The following QKI variants were observed in gnomAD, a reference collection of about 807,000 sequenced individuals.
The protein encoded by QKI is QKI, KH domain containing RNA binding, also known as KH domain-containing RNA-binding protein QKI.
A neutral mutation model predicts 39.0 loss-of-function variants in QKI; 10 were observed. The observed-to-expected ratio is 0.26, with a 90% confidence interval of 0.16 to 0.43. QKI has a LOEUF of 0.43. Among genes scored for constraint, QKI ranks in the 20% least tolerant of loss-of-function variants. QKI has a pLI of 1.00. For synonymous variants in QKI, 204 were observed against 155.4 expected, an observed-to-expected ratio of 1.31 and a Z score of -2.33; for missense variants, 218 against 428.0, an observed-to-expected ratio of 0.51 and a Z score of 4.33.
At chr6:163,569,876 A>G in intron 7 of QKI, 2 of 987,206 alleles carry the variant, frequency 2.0e-6, no homozygotes, top group Non-Finnish European at 2.4e-6. Context: ...ATGTACTTAG[A>G]GCTTTTTGAG....
chr6:163,421,670 T>G (rs993754865), intron 1 of QKI, among the ~76,000 whole-genome samples: 11 of 152,216 alleles, frequency 7.2e-5, no homozygotes, highest in Non-Finnish European at 1.2e-4. Context: ...GTCTTTTAAT[T>G]TTAAACAGTG....
intron 3 of QKI, among the ~76,000 whole-genome samples, chr6:163,501,379 C>T (rs910133566): frequency 6.6e-6 from 1 of 151,670 alleles, no homozygotes; most frequent in African/African-American, 2.4e-5. Context: ...AGAGAATGGG[C>T]CTGATTGCTC....
chr6:163,497,381 A>T (rs1172858850), intron 3 of QKI, among the ~76,000 whole-genome samples: 2 of 152,250 alleles, frequency 1.3e-5, no homozygotes, highest in South Asian at 2.1e-4. Context: ...TAAAATTTTT[A>T]AAATTGCTTT....
chr6:163,460,627 T>G (rs1236545021), intron 2 of QKI, among the ~76,000 whole-genome samples: 1 of 152,126 alleles, frequency 6.6e-6, no homozygotes, highest in African/African-American at 2.4e-5. Context: ...AGCTGGCGTT[T>G]GTTTTAGAGG....
chr6:163,536,963 CTT>C (rs1356981533), intron 4 of QKI, among the ~76,000 whole-genome samples: 1 of 152,146 alleles, frequency 6.6e-6, no homozygotes, highest in Non-Finnish European at 1.5e-5. Context: ...AATCCCAACA[CTT>C]TGGGATGCTG....
chr6:163,526,028 G>A (rs1322193265), intron 3 of QKI, among the ~76,000 whole-genome samples: 1 of 152,156 alleles, frequency 6.6e-6, no homozygotes. Flanking sequence ...GCTCTAAGGA[G>A]CACTTATTAG....
intron 3 of QKI, among the ~76,000 whole-genome samples, chr6:163,487,377 C>T (rs146354653): frequency 7.2e-5 from 11 of 152,252 alleles, no homozygotes; most frequent in African/African-American, 2.2e-4. Context: ...CATATAATTT[C>T]AACTGTAAAT....
intron 2 of QKI, among the ~76,000 whole-genome samples, chr6:163,461,452 A>T (rs1791343617): frequency 6.6e-6 from 1 of 152,214 alleles, no homozygotes; most frequent in African/African-American, 2.4e-5. Flanking sequence ...GAAGAACAAA[A>T]TGAAAGATGG....
In QKI at chr6:163,575,833, C is replaced by A. The variant is rs965095967; in HGVS notation, c.*5123C>A. The A allele has an allele frequency of 2.0e-5, 3 of 152,064 alleles. No individual in the cohort carries two copies. Among genetic ancestry groups the A allele is most frequent in the East Asian group, 3.9e-4 (2 of 5,180 alleles). The allele number at this position is 152,064 out of a possible 1,614,324, so 9.4% of individuals were successfully genotyped here. ...GTATATATATATGTCATAACACTTT[C>A]ACGTGTGACAGCCTAAGGTTTCTTT... On this transcript the variant is annotated 3_prime_UTR_variant, in exon 8 of 8. Transcript: ENST00000361752.
At chr6:163,430,260 T>G (rs1320158408) in intron 1 of QKI, among the ~76,000 whole-genome samples, 1 of 152,164 alleles carries the variant, frequency 6.6e-6, no homozygotes, top group Non-Finnish European at 1.5e-5. Context: ...GGCATTACAT[T>G]ATAGAGTGAT....
rs570293232 is a variant in QKI, at chr6:163,481,691, T to G, written c.402+2795T>G. ...TTTTCATTTTCTTGGATTGTTATTA[T>G]TTCAGCATTATTGATGGGCTCAACA... is the stretch of plus-strand genomic sequence containing the variant. On this transcript the variant is annotated intron_variant, in intron 3 of 7. Coordinates refer to ENST00000361752, the MANE Select transcript of QKI (RefSeq NM_006775.3). 6.6e-5 allele frequency among the ~76,000 whole-genome samples: 10 copies of G among 152,366 alleles called. No homozygotes were observed. In the South Asian group the frequency reaches 1.9e-3, roughly 28 times the overall value.
intron 3 of QKI, among the ~76,000 whole-genome samples, chr6:163,505,181 A>T (rs6455900): frequency 0.84 from 127,622 of 152,166 alleles, 54,135 homozygotes; most frequent in East Asian, 1. Flanking sequence ...TTTCAGAGAA[A>T]GTATGGAAAC....
At chr6:163,449,667 G>A (rs1192424853) in intron 1 of QKI, among the ~76,000 whole-genome samples, 1 of 152,100 alleles carries the variant, frequency 6.6e-6, no homozygotes, top group African/African-American at 2.4e-5. Context: ...GATTGAGTTA[G>A]TAAATAGTTT....
At chr6:163,455,521 A>T in intron 2 of QKI, 100 bp downstream of exon 2, 2 of 1,186,654 alleles carry the variant, frequency 1.7e-6, no homozygotes, top group Non-Finnish European at 2.3e-6. Context: ...TAGCCACTTT[A>T]AAAAAATGCA....
intron 1 of QKI, among the ~76,000 whole-genome samples, chr6:163,430,813 T>G (rs1168296826): frequency 6.6e-6 from 1 of 152,138 alleles, no homozygotes; most frequent in African/African-American, 2.4e-5. Context: ...AGGCTGATGT[T>G]TGAAAAGTGT....
chr6:163,437,951 C>T (rs565028891), intron 1 of QKI, among the ~76,000 whole-genome samples: 95 of 152,194 alleles, frequency 6.2e-4, no homozygotes, highest in Admixed American at 2.9e-3. Flanking sequence ...AAGTATTTGA[C>T]GGTCATTTTC....
intron 4 of QKI, among the ~76,000 whole-genome samples, chr6:163,554,296 T>C (rs560567354): frequency 3.0e-4 from 45 of 152,290 alleles, no homozygotes; most frequent in Non-Finnish European, 6.2e-4. Flanking sequence ...CTTTCCCTCA[T>C]CCAGCTCTTC....
In QKI at chr6:163,556,163, TGTA is replaced by T. The variant is rs1782591055; in HGVS notation, c.547-5818_547-5816del. ...GTCTAAGTCTAGAAAAGTTGAACAATGTATAAATTACATTAAACGTGACCTGTT... is the reference window on the plus strand; with the variant it reads ...GTCTAAGTCTAGAAAAGTTGAACAATTAAATTACATTAAACGTGACCTGTT... On this transcript the variant is annotated intron_variant, in intron 4 of 7. Coordinates refer to ENST00000361752, the MANE Select transcript of QKI (RefSeq NM_006775.3). Among the ~76,000 whole-genome samples the T allele has an allele frequency of 2.0e-5, 3 of 152,294 alleles. No individual in the cohort carries two copies. The South Asian group carries it at 6.2e-4, about 32-fold the overall frequency.
At chr6:163,439,400 T>G (rs1471474181) in intron 1 of QKI, among the ~76,000 whole-genome samples, 4 of 150,576 alleles carry the variant, frequency 2.7e-5, no homozygotes, top group Non-Finnish European at 4.4e-5. Context: ...CAGGCTGGAT[T>G]GCAGTGGCAC....
Sources: allele counts gnomAD v4.1 joint callset (sites outside exome capture counted in the v4.1 genomes callset), GRCh38; gene constraint gnomAD v4.1.1; transcripts MANE v1.5; gene names NCBI Gene and HGNC (gene_info 2026-07-23, HGNC 2026-07-21).